The following PTPRD variants were observed in gnomAD, a reference collection of about 807,000 sequenced individuals.
PTPRD encodes receptor-type tyrosine-protein phosphatase delta.
Under a neutral mutation model 214.5 loss-of-function variants are expected in PTPRD, and 34 were observed. The ratio of observed to expected loss-of-function variants is 0.16; its 90% CI spans 0.12 to 0.21. The LOEUF (loss-of-function observed/expected upper bound fraction) is 0.21. Ranked by LOEUF, PTPRD falls within the 10% of genes least tolerant of loss-of-function variation. PTPRD has a pLI of 1.00. For synonymous variants in PTPRD, 1,128 were observed against 845.7 expected (o/e 1.33, Z -5.79); for missense variants, 2,545 against 2,398.7 (o/e 1.06, Z -1.27).
chr9:8,425,586 T>A (rs189553872), intron 35 of PTPRD, among the ~76,000 whole-genome samples: 2 of 152,324 alleles, frequency 1.3e-5, no homozygotes, highest in South Asian at 2.1e-4. Context: ...ACTCTCCAAG[T>A]CATGGGTACT....
intron 14 of PTPRD, among the ~76,000 whole-genome samples, chr9:8,567,304 C>T (rs987747222): frequency 6.6e-6 from 1 of 152,176 alleles, no homozygotes; most frequent in African/African-American, 2.4e-5. Flanking sequence ...AATCCTGTTC[C>T]CTCCTCTCAG....
rs1567009893 is a variant in PTPRD, at chr9:8,921,103, C to CACAGCTA, written c.-104+97593_-104+97594insTAGCTGT. 5.9e-5 allele frequency among the ~76,000 whole-genome samples: 9 copies of CACAGCTA among 152,150 alleles called. No individual in the cohort carries two copies. The East Asian group carries it at 1.7e-3, about 29-fold the overall frequency. ...TGTTGGGATTACAGGCGTGAACCAC[C>CACAGCTA]GCGTCTGGCCGAAGTTATTCTTTTC... On this transcript the variant is annotated intron_variant, in intron 11 of 45. Coordinates refer to ENST00000381196, the MANE Select transcript of PTPRD (RefSeq NM_002839.4).
intron 12 of PTPRD, among the ~76,000 whole-genome samples, chr9:8,650,528 C>CAAAAAAAA (rs35887411): frequency 9.6e-6 from 1 of 104,306 alleles, no homozygotes; most frequent in Non-Finnish European, 1.9e-5. Context: ...ACTCCGCCTC[C>CAAAAAAAA]AAAAAAAAAA....
intron 36 of PTPRD, among the ~76,000 whole-genome samples, chr9:8,393,691 G>A (rs552479276): frequency 6.6e-6 from 1 of 152,104 alleles, no homozygotes; most frequent in Non-Finnish European, 1.5e-5. Context: ...ATTGTTTCAT[G>A]TGCATTCTCT....
At chr9:8,388,211 C>T (rs2087932551) in intron 37 of PTPRD, among the ~76,000 whole-genome samples, 1 of 152,154 alleles carries the variant, frequency 6.6e-6, no homozygotes, top group Non-Finnish European at 1.5e-5. Flanking sequence ...AATTGTCCCT[C>T]ATATACACGC....
At chr9:10,264,213 C>T (rs1273614830) in intron 3 of PTPRD, among the ~76,000 whole-genome samples, 1 of 152,192 alleles carries the variant, frequency 6.6e-6, no homozygotes, top group Non-Finnish European at 1.5e-5. Context: ...AGAGTCCCCA[C>T]TGGGGCGCTG....
At chr9:8,711,452 T>C (rs1160920769) in intron 12 of PTPRD, among the ~76,000 whole-genome samples, 1 of 152,148 alleles carries the variant, frequency 6.6e-6, no homozygotes, top group East Asian at 1.9e-4. Flanking sequence ...TGAAATGAAA[T>C]TAAGTCCTTA....
At chr9:9,488,045 A>T (rs567744669) in intron 8 of PTPRD, among the ~76,000 whole-genome samples, 1 of 152,244 alleles carries the variant, frequency 6.6e-6, no homozygotes, top group Admixed American at 6.5e-5. Context: ...ACTTTCCTGG[A>T]TTGTTATATA....
intron 43 of PTPRD, among the ~76,000 whole-genome samples, chr9:8,337,005 G>C (rs1446259554): frequency 1.3e-5 from 2 of 152,196 alleles, no homozygotes; most frequent in Non-Finnish European, 2.9e-5. Flanking sequence ...TGGTGGGTGT[G>C]TAAATTAGTT....
Position 8,810,594 on chromosome 9 carries a change from A to G in PTPRD, c.-103-76648T>C, listed in dbSNP as rs868836896. Among the ~76,000 whole-genome samples the G allele has an allele frequency of 3.9e-5, 6 of 152,296 alleles. No individual in the cohort carries two copies. The Middle Eastern group carries it at 0.017, about 432-fold the overall frequency. Reference sequence around the variant, plus strand: ...GGGCTTGGGTTATCGAACACGCTCTAAAGGAACACACTCTAACAGTCATCA... The same window carrying G: ...GGGCTTGGGTTATCGAACACGCTCTGAAGGAACACACTCTAACAGTCATCA... On this transcript the variant is annotated intron_variant, in intron 11 of 45. Coordinates refer to ENST00000381196, the MANE Select transcript of PTPRD (RefSeq NM_002839.4).
At chr9:9,830,965 G>T (rs2054629848) in intron 5 of PTPRD, among the ~76,000 whole-genome samples, 1 of 151,806 alleles carries the variant, frequency 6.6e-6, no homozygotes, top group Non-Finnish European at 1.5e-5. Flanking sequence ...CTCTGGATTT[G>T]TTAGCTGACT....
chr9:8,325,991 A>T (rs1421438391), intron 44 of PTPRD, among the ~76,000 whole-genome samples: 2 of 152,160 alleles, frequency 1.3e-5, no homozygotes, highest in East Asian at 3.9e-4. Context: ...GGGTTTTCTA[A>T]ATATACAATG....
chr9:8,976,962 C>T (rs2099271322), intron 11 of PTPRD, among the ~76,000 whole-genome samples: 1 of 152,034 alleles, frequency 6.6e-6, no homozygotes, highest in Non-Finnish European at 1.5e-5. Flanking sequence ...GTCTGTTGGA[C>T]ATTTCTACCA....
intron 2 of PTPRD, among the ~76,000 whole-genome samples, chr9:10,380,757 T>C (rs1265012483): frequency 7.1e-6 from 1 of 141,170 alleles, no homozygotes; most frequent in Non-Finnish European, 1.5e-5. Context: ...GCAGCCCTTG[T>C]CATCCCAGCT....
intron 2 of PTPRD, among the ~76,000 whole-genome samples, chr9:10,415,747 A>G (rs1248351713): frequency 6.6e-6 from 1 of 151,908 alleles, no homozygotes; most frequent in Admixed American, 6.6e-5. Flanking sequence ...CTTTGTTGTG[A>G]AAGAAGACAG....
intron 11 of PTPRD, 97 bp from the exon 12 acceptor site, chr9:8,734,043 C>G (rs1351437869): frequency 5.0e-6 from 3 of 596,378 alleles, no homozygotes; most frequent in African/African-American, 1.9e-5. Context: ...ATCACCATGA[C>G]AGACACAATC....
At chr9:10,065,436 C>A (rs558032370) in intron 3 of PTPRD, among the ~76,000 whole-genome samples, 2 of 151,886 alleles carry the variant, frequency 1.3e-5, no homozygotes, top group South Asian at 4.2e-4. Context: ...AGCAAGAACT[C>A]CATTAGGCTT....
chr9:8,628,241 G>C (rs1275400422), intron 14 of PTPRD, among the ~76,000 whole-genome samples: 1 of 151,828 alleles, frequency 6.6e-6, no homozygotes, highest in African/African-American at 2.4e-5. Context: ...AATAAAATGA[G>C]ACTGTAATCA....
chr9:8,445,623 C>G (rs1484168597), intron 34 of PTPRD, among the ~76,000 whole-genome samples: 1 of 152,134 alleles, frequency 6.6e-6, no homozygotes, highest in Non-Finnish European at 1.5e-5. Flanking sequence ...TATGCAGCAT[C>G]CTGGGATCCT....
Sources: allele counts gnomAD v4.1 joint callset (sites outside exome capture counted in the v4.1 genomes callset), GRCh38; gene constraint gnomAD v4.1.1; transcripts MANE v1.5; gene names NCBI Gene and HGNC (gene_info 2026-07-23, HGNC 2026-07-21).